MCPH1: variants seen among roughly 807,000 people sequenced by gnomAD.
MCPH1 encodes microcephalin 1.
A neutral mutation model predicts 84.5 loss-of-function variants in MCPH1; 104 were observed. That is an observed-to-expected ratio of 1.23 (90% CI 1.05 to 1.45). MCPH1 has a LOEUF of 1.45. MCPH1 is among the 40% of genes most tolerant of loss of function. The pLI is 0.00. For missense variants in MCPH1, 1,498 were observed against 1,005.7 expected, an observed-to-expected ratio of 1.49 and a Z score of -6.62; for synonymous variants, 514 against 366.8, an observed-to-expected ratio of 1.40 and a Z score of -4.58.
Position 6,447,062 on chromosome 8 carries a change from G to C in MCPH1, c.1825+1515G>C, listed in dbSNP as rs1263851346. On this transcript the variant is annotated intron_variant, in intron 8 of 13. Coordinates refer to ENST00000344683, the MANE Select transcript of MCPH1 (RefSeq NM_024596.5). Reference sequence around the variant, plus strand: ...AAACATTCTGTGTGCGCTAGTGCGAGAGGATCTTCTACAGTCACCTGCCTT... The same window carrying C: ...AAACATTCTGTGTGCGCTAGTGCGACAGGATCTTCTACAGTCACCTGCCTT... 3.0e-6 allele frequency: 3 copies of C among 985,342 alleles called. No individual in the cohort carries two copies. The African/African-American group carries it at 5.2e-5, about 17-fold the overall frequency. The allele number at this position is 985,342 out of a possible 1,614,324, so 61.0% of individuals were successfully genotyped here.
intron 12 of MCPH1, chr8:6,508,886 A>G: frequency 6.2e-7 from 1 of 1,613,558 alleles, no homozygotes. Context: ...CCTCTATGAA[A>G]TCATTCCTTG....
At chr8:6,469,834 T>C (rs1321734513) in intron 9 of MCPH1, among the ~76,000 whole-genome samples, 2 of 152,202 alleles carry the variant, frequency 1.3e-5, no homozygotes, top group Non-Finnish European at 2.9e-5. Context: ...TCTTTTTCTC[T>C]CTCTCTCCCT....
At position 6,530,399 on chromosome 8, in the gene MCPH1, C is replaced by T. The variant is rs1228790995; in HGVS notation, c.2214+30470C>T. The stretch of plus-strand genomic sequence containing the variant: ...TAGCCTGCACCTGTAATCCCAGCTA[C>T]GCGGGAGGCTAAGGCACGAGAATCG... On this transcript the variant is annotated intron_variant, in intron 12 of 13. Transcript: ENST00000344683. Among the ~76,000 whole-genome samples, 6 of 151,296 alleles carry T rather than the reference C, an allele frequency of 4.0e-5. No homozygotes were observed. The East Asian group carries it at 5.9e-4, about 15-fold the overall frequency.
chr8:6,461,501 A>ATTT (rs78168192), intron 9 of MCPH1, among the ~76,000 whole-genome samples: 1,649 of 136,388 alleles, frequency 0.012, 26 homozygotes, highest in African/African-American at 0.029. Flanking sequence ...TAATTTTTCT[A>ATTT]TTTTTTTTTT....
chr8:6,642,829 A>C, intron 13 of MCPH1, 165 bp from the exon 14 acceptor site: 1 of 696,856 alleles, frequency 1.4e-6, no homozygotes, highest in Non-Finnish European at 2.6e-6. Context: ...GTTTCACGTT[A>C]ATTTAAAAAG....
chr8:6,597,575 C>T (rs995109535), intron 12 of MCPH1, among the ~76,000 whole-genome samples: 3 of 152,174 alleles, frequency 2.0e-5, no homozygotes, highest in Admixed American at 1.3e-4. Context: ...GCCAAGAGTT[C>T]TGCTGGGTTT....
chr8:6,478,204 C>T (rs1016723997), intron 10 of MCPH1, among the ~76,000 whole-genome samples: 4 of 152,146 alleles, frequency 2.6e-5, no homozygotes, highest in African/African-American at 9.7e-5. Flanking sequence ...TCCATCAAAA[C>T]ATTGGAACAT....
intron 12 of MCPH1, among the ~76,000 whole-genome samples, chr8:6,600,987 C>T (rs557281577): frequency 5.9e-5 from 9 of 152,276 alleles, no homozygotes; most frequent in South Asian, 2.1e-4. Flanking sequence ...AGGGCCATTA[C>T]GGGGTCACCA....
Position 6,445,540 on chromosome 8 carries a change from C to T in MCPH1, c.1818C>T (p.Tyr606=), listed in dbSNP as rs377400638. 208 of 1,593,858 alleles carry T rather than the reference C, an allele frequency of 1.3e-4. 1 individual carries two copies. The African/African-American group carries it at 2.7e-3, about 20-fold the overall frequency. ...AGAAGGAAAACTTACCCGGAGGATACAGTGGAAGTATGTGAATCTCCTTTT... is the reference window on the plus strand; with the variant it reads ...AGAAGGAAAACTTACCCGGAGGATATAGTGGAAGTATGTGAATCTCCTTTT... ...TEEKENLPGG[Y]SGSVKNRPTR... is the part of the protein sequence containing the mutation. Residue 606 remains tyrosine (Y), a synonymous_variant, in exon 8 of 14, where the codon TAC becomes TAT. Transcript: ENST00000344683.
intron 12 of MCPH1, among the ~76,000 whole-genome samples, chr8:6,565,260 G>A (rs1826060382): frequency 6.6e-6 from 1 of 152,116 alleles, no homozygotes; most frequent in Non-Finnish European, 1.5e-5. Context: ...TTCTTTACAG[G>A]CATGCTCCAT....
In MCPH1 at chr8:6,611,130, T is replaced by TCA. The variant is rs138053875; in HGVS notation, c.2215-10306_2215-10305dup. Among the ~76,000 whole-genome samples the TCA allele has an allele frequency of 5.1e-3, 767 of 149,760 alleles. 3 individuals carry two copies. The highest frequency in any genetic ancestry group is 0.013 in the African/African-American group (548 of 41,096). ...CACACACACTCTCTCACACACACAC[T>TCA]CACACACACACACACACACTCAGAA... On this transcript the variant is annotated intron_variant, in intron 12 of 13. Transcript: ENST00000344683.
At chr8:6,464,893 G>C (rs570757090) in intron 9 of MCPH1, among the ~76,000 whole-genome samples, 203 of 152,236 alleles carry the variant, frequency 1.3e-3, no homozygotes, top group Non-Finnish European at 2.5e-3. Flanking sequence ...CAGCTACTCG[G>C]GAGACTAAGG....
At chr8:6,574,757 A>T (rs754738234) in intron 12 of MCPH1, among the ~76,000 whole-genome samples, 1 of 152,204 alleles carries the variant, frequency 6.6e-6, no homozygotes, top group African/African-American at 2.4e-5. Context: ...CGAGATAAGG[A>T]CCAGGAGAGA....
At chr8:6,559,114 G>A (rs1419061235) in intron 12 of MCPH1, among the ~76,000 whole-genome samples, 2 of 152,116 alleles carry the variant, frequency 1.3e-5, no homozygotes, top group Non-Finnish European at 2.9e-5. Flanking sequence ...GACCACGGGA[G>A]ACCAGTGGCT....
chr8:6,567,322 G>A (rs181434057), intron 12 of MCPH1, among the ~76,000 whole-genome samples: 2 of 125,424 alleles, frequency 1.6e-5, no homozygotes, highest in African/African-American at 2.7e-5. Flanking sequence ...TGTGTGATCC[G>A]CAAGGTCATG....
chr8:6,494,096 A>C (rs2129561514), intron 11 of MCPH1: 1 of 152,228 alleles, frequency 6.6e-6, no homozygotes, highest in South Asian at 2.1e-4. Context: ...GCATGCCACC[A>C]CACCTGGCTA....
At chr8:6,586,555 A>T (rs531675242) in intron 12 of MCPH1, among the ~76,000 whole-genome samples, 1 of 151,534 alleles carries the variant, frequency 6.6e-6, no homozygotes, top group Non-Finnish European at 1.5e-5. Context: ...GCATCTACCC[A>T]CTCTGTGCCG....
chr8:6,625,703 G>C, intron 13 of MCPH1: 1 of 981,648 alleles, frequency 1.0e-6, no homozygotes, highest in Non-Finnish European at 1.2e-6. Context: ...AGCTTGGCTT[G>C]AGCCCATAAG....
At chr8:6,417,415 G>A (rs910220055) in intron 3 of MCPH1, among the ~76,000 whole-genome samples, 3 of 152,168 alleles carry the variant, frequency 2.0e-5, no homozygotes, top group Non-Finnish European at 4.4e-5. Flanking sequence ...TTACTTATAA[G>A]TCTGGCAGGA....
Sources: allele counts gnomAD v4.1 joint callset (sites outside exome capture counted in the v4.1 genomes callset), GRCh38; gene constraint gnomAD v4.1.1; transcripts MANE v1.5; gene names NCBI Gene and HGNC (gene_info 2026-07-23, HGNC 2026-07-21).